The following ACTR3C variants were observed in gnomAD, a reference collection of about 807,000 sequenced individuals.
The protein encoded by ACTR3C is actin-related protein 3C.
Under a neutral mutation model 26.3 loss-of-function variants are expected in ACTR3C, and 18 were observed. The observed-to-expected ratio is 0.68, with a 90% CI of 0.47 to 1.01. ACTR3C has a LOEUF of 1.01. Among genes scored for constraint, ACTR3C ranks in the 50% least tolerant of loss-of-function variants. ACTR3C has a pLI of 0.00. For synonymous variants in ACTR3C, 55 were observed against 94.5 expected (o/e 0.58, Z 2.42); for missense variants, 184 against 250.7 (o/e 0.73, Z 1.80).
chr7:149,937,680 C>T, the ACTR3C span, among the ~76,000 whole-genome samples: 233 of 152,158 alleles, frequency 1.5e-3, no homozygotes, highest in Non-Finnish European at 2.6e-3. Flanking sequence ...CGAGGATGAA[C>T]GCCAAGGAGA....
At chr7:149,924,423 A>G in the ACTR3C span, among the ~76,000 whole-genome samples, 1 of 152,158 alleles carries the variant, frequency 6.6e-6, no homozygotes, top group African/African-American at 2.4e-5. Context: ...AGACCACAAT[A>G]AGTGAAAACA....
the ACTR3C span, among the ~76,000 whole-genome samples, chr7:150,011,772 CAAG>C: frequency 6.6e-6 from 1 of 152,138 alleles, no homozygotes; most frequent in Non-Finnish European, 1.5e-5. Context: ...TTCCAGAAAA[CAAG>C]TAGTACAACA....
the ACTR3C span, among the ~76,000 whole-genome samples, chr7:149,929,617 C>T: frequency 4.0e-5 from 6 of 150,782 alleles, no homozygotes; most frequent in Middle Eastern, 3.4e-3. Flanking sequence ...CTGCAACCTC[C>T]GCCTCTCGGG....
At chr7:150,204,898 G>C in the ACTR3C span, among the ~76,000 whole-genome samples, 3 of 152,182 alleles carry the variant, frequency 2.0e-5, no homozygotes, top group Non-Finnish European at 4.4e-5. Context: ...GGAGAGTGCA[G>C]AGGAGGAGCA....
At chr7:150,230,740 A>G in the ACTR3C span, among the ~76,000 whole-genome samples, 1 of 152,222 alleles carries the variant, frequency 6.6e-6, no homozygotes, top group African/African-American at 2.4e-5. Flanking sequence ...GCTGGGGACC[A>G]CTGATCTCAG....
chr7:149,921,573 G>A, the ACTR3C span, among the ~76,000 whole-genome samples: 3 of 152,038 alleles, frequency 2.0e-5, no homozygotes, highest in African/African-American at 7.2e-5. Context: ...GAGCAAAGTG[G>A]CTTTATCTAA....
the ACTR3C span, among the ~76,000 whole-genome samples, chr7:150,163,695 C>T: frequency 2.0e-5 from 3 of 151,928 alleles, no homozygotes; most frequent in African/African-American, 7.3e-5. Flanking sequence ...ACTTGAGAAC[C>T]AAGGAGACAG....
At chr7:150,148,136 C>T in the ACTR3C span, among the ~76,000 whole-genome samples, 1 of 143,280 alleles carries the variant, frequency 7.0e-6, no homozygotes, top group Admixed American at 7.1e-5. Context: ...TGCACATGCA[C>T]CTCTGAGCTT....
At chr7:150,042,317 C>A in the ACTR3C span, among the ~76,000 whole-genome samples, 4 of 96,892 alleles carry the variant, frequency 4.1e-5, no homozygotes, top group Non-Finnish European at 8.5e-5. Context: ...GGAAGAGGGA[C>A]TGGCTCTCAG....
At chr7:150,083,982 T>A in the ACTR3C span, among the ~76,000 whole-genome samples, 4 of 152,152 alleles carry the variant, frequency 2.6e-5, no homozygotes, top group African/African-American at 9.7e-5. Flanking sequence ...TGGGTATATA[T>A]CCAAAATAGA....
the ACTR3C span, among the ~76,000 whole-genome samples, chr7:150,189,271 G>A: frequency 1.3e-5 from 2 of 152,144 alleles, no homozygotes; most frequent in Non-Finnish European, 2.9e-5. Flanking sequence ...TCAAGTCAAA[G>A]TAATGCTTTT....
the ACTR3C span, among the ~76,000 whole-genome samples, chr7:150,082,512 A>G: frequency 6.6e-6 from 1 of 152,166 alleles, no homozygotes; most frequent in Non-Finnish European, 1.5e-5. Flanking sequence ...ACAGCAGGAT[A>G]GGGGGCCTCG....
intron 4 of ACTR3C, among the ~76,000 whole-genome samples, chr7:150,287,358 G>A (rs1835869447): frequency 6.7e-6 from 1 of 149,374 alleles, no homozygotes; most frequent in Non-Finnish European, 1.5e-5. Flanking sequence ...GAAGCCGCCA[G>A]GATGCTGCTG....
the ACTR3C span, among the ~76,000 whole-genome samples, chr7:150,184,827 C>T: frequency 6.8e-6 from 1 of 146,140 alleles, no homozygotes; most frequent in Non-Finnish European, 1.5e-5. Flanking sequence ...AAGGCCACTG[C>T]TCTCTTTCTC....
the ACTR3C span, chr7:150,004,685 A>G: frequency 6.6e-6 from 1 of 152,282 alleles, no homozygotes; most frequent in Non-Finnish European, 1.5e-5. Context: ...ACACACTGAT[A>G]TCACGTGCCT....
rs530192143 is a variant in ACTR3C, at chr7:150,300,265, T to C, written c.-51-4918A>G. ...ACTCAGGAGGCTTGAGGCAGGGGAA[T>C]TGCTTGAACCCGGGAGGCGGAGGTT... On this transcript the variant is annotated intron_variant, in intron 1 of 7. Transcript: ENST00000683684. 2.6e-5 allele frequency among the ~76,000 whole-genome samples: 4 copies of C among 152,022 alleles called. No homozygotes were observed. In the South Asian group the frequency reaches 6.3e-4, roughly 24 times the overall value.
chr7:150,159,957 G>A, the ACTR3C span, among the ~76,000 whole-genome samples: 1 of 151,926 alleles, frequency 6.6e-6, no homozygotes, highest in Non-Finnish European at 1.5e-5. Context: ...ATCATGCCTG[G>A]CTAATTTTTG....
At chr7:149,940,019 G>A in the ACTR3C span, among the ~76,000 whole-genome samples, 1 of 116,160 alleles carries the variant, frequency 8.6e-6, no homozygotes, top group African/African-American at 2.8e-5. Context: ...CCACCAATGG[G>A]GCACATGTTT....
the ACTR3C span, among the ~76,000 whole-genome samples, chr7:150,006,950 A>T: frequency 0.013 from 1,976 of 152,222 alleles, 57 homozygotes; most frequent in African/African-American, 0.046. Flanking sequence ...TAGCAACCGG[A>T]TCCTAAGCTA....
Sources: allele counts gnomAD v4.1 joint callset (sites outside exome capture counted in the v4.1 genomes callset), GRCh38; gene constraint gnomAD v4.1.1; transcripts MANE v1.5; gene names NCBI Gene and HGNC (gene_info 2026-07-23, HGNC 2026-07-21).